NELL2: variants seen among roughly 807,000 people sequenced by gnomAD.
NELL2 encodes neural EGFL like 2.
NELL2 carries 41 observed loss-of-function variants against 109.6 expected under a neutral mutation model. The ratio of observed to expected loss-of-function variants is 0.37; its 90% CI spans 0.29 to 0.49. The LOEUF is 0.49. Among genes scored for constraint, NELL2 ranks in the 20% least tolerant of loss-of-function variants. The pLI is 0.98. For missense variants in NELL2, 900 were observed against 1,008.3 expected (o/e 0.89, Z 1.45); for synonymous variants, 355 against 344.7 (o/e 1.03, Z -0.33).
intron 2 of NELL2, among the ~76,000 whole-genome samples, chr12:44,869,238 AC>A (rs937292474): frequency 5.3e-5 from 8 of 152,138 alleles, no homozygotes; most frequent in Admixed American, 3.3e-4. Flanking sequence ...AGAAAAAAAA[AC>A]AATTGCCATA....
rs576738137 is a variant in NELL2 at position 44,891,865 on chromosome 12, C to A, written c.39-15965G>T. 6.6e-5 allele frequency among the ~76,000 whole-genome samples: 10 copies of A among 152,298 alleles called. No individual in the cohort carries two copies. The East Asian group carries it at 1.9e-3, about 29-fold the overall frequency. Reference sequence around the variant, plus strand: ...GGGTAGAATATGGTTCCATCCCCTGCCTTGAGAGGATCTCAGAACAATATG... The same window carrying A: ...GGGTAGAATATGGTTCCATCCCCTGACTTGAGAGGATCTCAGAACAATATG... On this transcript the variant is annotated intron_variant, in intron 1 of 20. Coordinates refer to the NELL2 transcript ENST00000333837.
intron 2 of NELL2, among the ~76,000 whole-genome samples, chr12:44,862,303 G>T (rs1339913899): frequency 6.6e-6 from 1 of 152,180 alleles, no homozygotes; most frequent in East Asian, 1.9e-4. Flanking sequence ...AGAAACAAAA[G>T]ACATCATTCT....
upstream of NELL2, chr12:44,876,609 C>G (rs998561248): frequency 6.5e-7 from 1 of 1,550,014 alleles, no homozygotes; most frequent in African/African-American, 1.4e-5. Context: ...GCTCTCACCC[C>G]TCGATTTCGG....
At chr12:44,809,459 C>G (rs185932106) in intron 3 of NELL2, among the ~76,000 whole-genome samples, 35 of 152,168 alleles carry the variant, frequency 2.3e-4, no homozygotes, top group Admixed American at 3.9e-4. Context: ...CTCTTTCCAA[C>G]AACTGCCATA....
chr12:44,546,225 C>A (rs1040565573), intron 15 of NELL2, among the ~76,000 whole-genome samples: 1 of 152,034 alleles, frequency 6.6e-6, no homozygotes, highest in Non-Finnish European at 1.5e-5. Context: ...TGCCAATAAA[C>A]AAAGAAATGC....
At position 44,775,221 on chromosome 12, in the gene NELL2, ACGCACGCACACACACATGCATGTGCGTG is replaced by A. The variant is rs772453755; in HGVS notation, c.892-400_892-373del. 2.1e-3 allele frequency among the ~76,000 whole-genome samples: 321 copies of A among 152,052 alleles called. 1 individual carries two copies. The highest frequency in any genetic ancestry group is 0.014 in the Middle Eastern group (4 of 294). On this transcript the variant is annotated intron_variant, in intron 8 of 19. Coordinates refer to ENST00000429094, the MANE Select transcript of NELL2 (RefSeq NM_001145108.2). ...AACTGTATCATGCACACGAACATGC[ACGCACGCACACACACATGCATGTGCGTG>A]CGCACGCACACACACACACACAGTT...
intron 2 of NELL2, among the ~76,000 whole-genome samples, chr12:44,830,274 T>C (rs1943846144): frequency 6.6e-6 from 1 of 152,192 alleles, no homozygotes; most frequent in South Asian, 2.1e-4. Flanking sequence ...TGGTGTCCCA[T>C]CAATTATGCA....
Position 44,901,788 on chromosome 12 carries a change from C to A in NELL2, c.38+12011G>T, listed in dbSNP as rs373449333. The stretch of plus-strand genomic sequence containing the variant: ...ATGGAATCCATCACATAAACAGAAC[C>A]AATGACAAAAACCACATGATTATCT... On this transcript the variant is annotated intron_variant, in intron 1 of 20. Coordinates refer to the NELL2 transcript ENST00000333837. Among the ~76,000 whole-genome samples, 20 of 152,214 alleles carry A rather than the reference C, an allele frequency of 1.3e-4. No homozygotes were observed. The East Asian group carries it at 3.1e-3, about 23-fold the overall frequency.
intron 9 of NELL2, among the ~76,000 whole-genome samples, chr12:44,720,344 T>C (rs1319583564): frequency 6.6e-6 from 1 of 152,150 alleles, no homozygotes; most frequent in African/African-American, 2.4e-5. Flanking sequence ...GATAAAGAAA[T>C]CTAAAAATAA....
intron 9 of NELL2, among the ~76,000 whole-genome samples, chr12:44,716,290 C>A (rs549533888): frequency 6.6e-6 from 1 of 152,252 alleles, no homozygotes; most frequent in East Asian, 1.9e-4. Flanking sequence ...CCTTACACAG[C>A]ATTTATTAAC....
chr12:44,795,418 G>A (rs1942583850), intron 3 of NELL2, among the ~76,000 whole-genome samples: 2 of 152,204 alleles, frequency 1.3e-5, no homozygotes, highest in South Asian at 4.1e-4. Context: ...ACCTCTCAAT[G>A]CTTCAGTTTC....
intron 13 of NELL2, among the ~76,000 whole-genome samples, chr12:44,664,123 C>A (rs1947842409): frequency 6.6e-6 from 1 of 151,848 alleles, no homozygotes; most frequent in South Asian, 2.1e-4. Flanking sequence ...TGATATATTC[C>A]TTTTATTTAT....
At chr12:44,616,910 A>G (rs1330727965) in intron 13 of NELL2, among the ~76,000 whole-genome samples, 1 of 152,158 alleles carries the variant, frequency 6.6e-6, no homozygotes, top group African/African-American at 2.4e-5. Context: ...GTCCTAGTGT[A>G]CTGAACAACT....
intron 2 of NELL2, among the ~76,000 whole-genome samples, chr12:44,856,126 G>C (rs966199783): frequency 2.3e-4 from 35 of 152,336 alleles, no homozygotes; most frequent in Non-Finnish European, 7.3e-5. Flanking sequence ...GCTACAAGAA[G>C]AAACAATGCA....
intron 3 of NELL2, among the ~76,000 whole-genome samples, chr12:44,780,973 T>C (rs918101915): frequency 6.6e-6 from 1 of 152,038 alleles, no homozygotes; most frequent in African/African-American, 2.4e-5. Flanking sequence ...CAGAACATGA[T>C]ACAAACATGT....
At chr12:44,525,184 G>A (rs1342894046) in intron 16 of NELL2, among the ~76,000 whole-genome samples, 1 of 152,102 alleles carries the variant, frequency 6.6e-6, no homozygotes, top group African/African-American at 2.4e-5. Context: ...ATTTTATTTT[G>A]CTTGACACTT....
chr12:44,841,049 A>G (rs1339751174), intron 2 of NELL2, among the ~76,000 whole-genome samples: 1 of 152,236 alleles, frequency 6.6e-6, no homozygotes, highest in Admixed American at 6.5e-5. Flanking sequence ...GAGGAAAACT[A>G]TAATAATTTT....
intron 12 of NELL2, among the ~76,000 whole-genome samples, chr12:44,698,777 T>G (rs555319950): frequency 2.0e-5 from 3 of 152,236 alleles, no homozygotes; most frequent in Non-Finnish European, 2.9e-5. Context: ...ATGTGTGACA[T>G]GCAATCATAT....
At chr12:44,595,443 T>C (rs1944917515) in intron 15 of NELL2, among the ~76,000 whole-genome samples, 1 of 152,252 alleles carries the variant, frequency 6.6e-6, no homozygotes. Context: ...TTTGTTTGTT[T>C]TGAGATGGAG....
Sources: gnomAD v4.1 joint callset for allele counts (sites outside exome capture counted in the v4.1 genomes callset) on GRCh38, gnomAD v4.1.1 for gene constraint, MANE v1.5 for transcripts, NCBI Gene and HGNC (gene_info 2026-07-23, HGNC 2026-07-21) for gene names.